FHIT: variants seen among roughly 807,000 people sequenced by gnomAD.
The protein encoded by FHIT is bis(5'-adenosyl)-triphosphatase.
FHIT carries 19 observed loss-of-function variants against 17.9 expected under a neutral mutation model. That is an observed-to-expected ratio of 1.06 (90% CI 0.74 to 1.56). The LOEUF (loss-of-function observed/expected upper bound fraction) is 1.56. Among genes scored for constraint, FHIT ranks in the 40% most tolerant of loss-of-function variants. The pLI is 0.00. For synonymous variants in FHIT, 81 were observed against 69.7 expected, an observed-to-expected ratio of 1.16 and a Z score of -0.81; for missense variants, 248 against 189.2, an observed-to-expected ratio of 1.31 and a Z score of -1.82.
chr3:61,213,140 A>G (rs1343732559), intron 1 of FHIT, among the ~76,000 whole-genome samples: 3 of 152,150 alleles, frequency 2.0e-5, no homozygotes, highest in Non-Finnish European at 4.4e-5. Flanking sequence ...GACAGGATCA[A>G]ATTCACACAT....
intron 8 of FHIT, among the ~76,000 whole-genome samples, chr3:59,790,587 T>C (rs1015643313): frequency 2.0e-5 from 3 of 152,118 alleles, no homozygotes; most frequent in East Asian, 1.9e-4. Context: ...TATTGATTGA[T>C]TGTAGGAGGA....
intron 5 of FHIT, among the ~76,000 whole-genome samples, chr3:60,266,053 A>G (rs573275160): frequency 6.6e-6 from 1 of 152,064 alleles, no homozygotes; most frequent in Admixed American, 6.6e-5. Flanking sequence ...ACTCCTAGTT[A>G]TACACCCAAG....
chr3:60,406,045 G>A (rs567266515), intron 5 of FHIT, among the ~76,000 whole-genome samples: 331 of 152,300 alleles, frequency 2.2e-3, no homozygotes, highest in Non-Finnish European at 3.2e-3. Context: ...GATATTTGTA[G>A]TAATCATTAT....
At chr3:60,027,486 T>C (rs574274007) in intron 5 of FHIT, among the ~76,000 whole-genome samples, 42 of 152,262 alleles carry the variant, frequency 2.8e-4, no homozygotes, top group Admixed American at 7.8e-4. Flanking sequence ...ATTGTCACTG[T>C]CTTTACCATC....
chr3:60,615,491 A>G (rs2038923970), intron 4 of FHIT, among the ~76,000 whole-genome samples: 1 of 152,258 alleles, frequency 6.6e-6, no homozygotes, highest in Non-Finnish European at 1.5e-5. Flanking sequence ...AGGCCTTAAT[A>G]AATCAGAAAT....
intron 4 of FHIT, among the ~76,000 whole-genome samples, chr3:60,540,657 G>T (rs940436896): frequency 1.3e-5 from 2 of 152,156 alleles, no homozygotes; most frequent in Non-Finnish European, 2.9e-5. Flanking sequence ...CATGTTGAGT[G>T]TATTTTTTTC....
intron 7 of FHIT, among the ~76,000 whole-genome samples, chr3:59,945,016 GATTT>G (rs1478027052): frequency 6.6e-6 from 1 of 152,164 alleles, no homozygotes; most frequent in East Asian, 1.9e-4. Context: ...ATGGTAGGAT[GATTT>G]ATTTTCCTTT....
At chr3:60,897,244 T>C (rs1405792214) in intron 3 of FHIT, among the ~76,000 whole-genome samples, 3 of 152,144 alleles carry the variant, frequency 2.0e-5, no homozygotes, top group Non-Finnish European at 4.4e-5. Flanking sequence ...ATGAGAGAAG[T>C]TGAACATATT....
At chr3:59,751,273 C>G (rs988429293) in intron 9 of FHIT, 3 of 178,088 alleles carry the variant, frequency 1.7e-5, no homozygotes, top group Non-Finnish European at 3.6e-5. Flanking sequence ...CTGAGTCTTG[C>G]TCTGTCACCC....
chr3:60,547,126 C>A (rs1199569731), intron 4 of FHIT, among the ~76,000 whole-genome samples: 1 of 152,276 alleles, frequency 6.6e-6, no homozygotes, highest in East Asian at 1.9e-4. Context: ...TTTCCTTTCA[C>A]ATAAAAATGG....
At chr3:60,995,566 C>T (rs188797806) in intron 3 of FHIT, among the ~76,000 whole-genome samples, 47 of 152,230 alleles carry the variant, frequency 3.1e-4, no homozygotes, top group African/African-American at 1.1e-3. Context: ...TCCCTCTCCC[C>T]AGACCGTGAC....
chr3:60,228,090 G>A (rs1704302902), intron 5 of FHIT, among the ~76,000 whole-genome samples: 1 of 152,136 alleles, frequency 6.6e-6, no homozygotes. Context: ...ACTCCAGACT[G>A]TCCTTCATAA....
chr3:60,374,589 C>T (rs946952383), intron 5 of FHIT, among the ~76,000 whole-genome samples: 2 of 149,910 alleles, frequency 1.3e-5, no homozygotes, highest in Non-Finnish European at 3.0e-5. Context: ...AAGAAGCACA[C>T]ACACATACTA....
chr3:60,777,141 G>T (rs1015174918), intron 4 of FHIT, among the ~76,000 whole-genome samples: 2 of 152,160 alleles, frequency 1.3e-5, no homozygotes, highest in African/African-American at 4.8e-5. Context: ...TTGACAAAAG[G>T]AGTCAAATTC....
At position 60,649,971 on chromosome 3, in the gene FHIT, G is replaced by A. The variant is rs142413194; in HGVS notation, c.-17-112992C>T. On this transcript the variant is annotated intron_variant, in intron 4 of 9. Transcript: ENST00000492590. Reference sequence around the variant, plus strand: ...GGCTTCTGTTTTCACACAAAATTCCGCCAACTGGGTACATCTTCTCAAAGA... The same window carrying A: ...GGCTTCTGTTTTCACACAAAATTCCACCAACTGGGTACATCTTCTCAAAGA... Among the ~76,000 whole-genome samples the A allele has an allele frequency of 1.8e-4, 28 of 152,176 alleles. No homozygotes were observed. In the East Asian group the frequency reaches 2.1e-3, roughly 12 times the overall value.
chr3:61,193,442 T>C (rs1576186504), intron 2 of FHIT, among the ~76,000 whole-genome samples: 2 of 152,174 alleles, frequency 1.3e-5, no homozygotes, highest in African/African-American at 4.8e-5. Context: ...TACCCAACAA[T>C]GCATGGACAA....
intron 4 of FHIT, among the ~76,000 whole-genome samples, chr3:60,721,770 T>C (rs2041814528): frequency 6.6e-6 from 1 of 152,132 alleles, no homozygotes; most frequent in South Asian, 2.1e-4. Context: ...CACAGGCTTT[T>C]CAAGATCCAC....
chr3:60,894,889 A>C (rs1379693044), intron 3 of FHIT, among the ~76,000 whole-genome samples: 1 of 152,060 alleles, frequency 6.6e-6, no homozygotes, highest in East Asian at 1.9e-4. Context: ...TTTTTGCTAA[A>C]CCATTTCGGT....
intron 5 of FHIT, among the ~76,000 whole-genome samples, chr3:60,086,603 G>A (rs1559619785): frequency 6.6e-6 from 1 of 152,194 alleles, no homozygotes. Flanking sequence ...CATTCCAAAA[G>A]GGAGAAATTG....
Sources: gnomAD v4.1 joint callset for allele counts (sites outside exome capture counted in the v4.1 genomes callset) on GRCh38, gnomAD v4.1.1 for gene constraint, MANE v1.5 for transcripts, NCBI Gene and HGNC (gene_info 2026-07-23, HGNC 2026-07-21) for gene names.